WDFY3: variants seen among roughly 807,000 people sequenced by gnomAD.
WDFY3 encodes the protein WD repeat and FYVE domain-containing protein 3.
A neutral mutation model predicts 409.6 loss-of-function variants in WDFY3; 66 were observed. That is an observed-to-expected ratio of 0.16 (90% CI 0.13 to 0.20). The LOEUF (loss-of-function observed/expected upper bound fraction) is 0.20. Ranked by LOEUF, WDFY3 falls within the 10% of genes least tolerant of loss-of-function variation. The pLI, the probability that WDFY3 is intolerant of heterozygous loss-of-function variation, is 1.00. For synonymous variants in WDFY3, 1,521 were observed against 1,537.1 expected (o/e 0.99, Z 0.25); for missense variants, 3,031 against 4,298.1 (o/e 0.71, Z 8.24).
chr4:84,875,608 C>T (rs1762677087), intron 3 of WDFY3, among the ~76,000 whole-genome samples: 1 of 152,172 alleles, frequency 6.6e-6, no homozygotes, highest in Non-Finnish European at 1.5e-5. Flanking sequence ...CTTTTGGACT[C>T]TTAGAATAAC....
At chr4:84,809,748 T>A (rs1323351877) in intron 14 of WDFY3, 139 bp downstream of exon 14, 11 of 725,684 alleles carry the variant, frequency 1.5e-5, no homozygotes, top group South Asian at 7.6e-5. Flanking sequence ...TATTCAAAAA[T>A]AAAGTGATAC....
chr4:84,709,241 T>C lies in WDFY3; in HGVS notation c.8097+52A>G, dbSNP rs1732495469. The C allele has an allele frequency of 7.8e-6, 12 of 1,534,372 alleles. No homozygotes were observed. In the South Asian group the frequency reaches 1.4e-4, roughly 18 times the overall value. On this transcript the variant is annotated intron_variant, in intron 52 of 67. Transcript: ENST00000295888. ...ATTAAAGTGCTTTTAACTGTATGAC[T>C]TCTACTCTAATTACGAACTTCTAAG... is the stretch of plus-strand genomic sequence containing the variant.
At chr4:84,882,343 GGTCA>G (rs368816090) in intron 3 of WDFY3, among the ~76,000 whole-genome samples, 75 of 152,246 alleles carry the variant, frequency 4.9e-4, no homozygotes, top group African/African-American at 1.5e-3. Flanking sequence ...TCTGGCGTGA[GGTCA>G]GTAATCTGTT....
chr4:84,864,670 C>T (rs558496055), intron 3 of WDFY3, among the ~76,000 whole-genome samples: 8 of 152,260 alleles, frequency 5.3e-5, no homozygotes, highest in African/African-American at 1.7e-4. Flanking sequence ...AAGATAACAA[C>T]TCATTCAAAG....
At chr4:84,706,747 T>A (rs1280437128) in intron 53 of WDFY3, among the ~76,000 whole-genome samples, 7 of 151,468 alleles carry the variant, frequency 4.6e-5, no homozygotes, top group Admixed American at 1.3e-4. Flanking sequence ...ACCAGGCAGG[T>A]CAGGCTGTAT....
chr4:84,962,891 C>T (rs1350048552), intron 1 of WDFY3, among the ~76,000 whole-genome samples: 1 of 151,724 alleles, frequency 6.6e-6, no homozygotes, highest in Admixed American at 6.6e-5. Context: ...CCAGGCTGGT[C>T]TTGAACTCCT....
At chr4:84,887,300 A>C (rs530533958) in intron 3 of WDFY3, among the ~76,000 whole-genome samples, 1 of 152,274 alleles carries the variant, frequency 6.6e-6, no homozygotes, top group East Asian at 1.9e-4. Context: ...TAGGAAAGAG[A>C]AGCACATTTT....
At chr4:84,675,888 G>A (rs556223490) in intron 67 of WDFY3, among the ~76,000 whole-genome samples, 109 of 152,116 alleles carry the variant, frequency 7.2e-4, no homozygotes, top group African/African-American at 2.4e-3. Context: ...CCTTTCATAT[G>A]GGGGAAAAAT....
At chr4:84,828,920 C>CTA (rs1169486578) in intron 9 of WDFY3, 84 bp downstream of exon 9, 1 of 1,371,144 alleles carries the variant, frequency 7.3e-7, no homozygotes, top group Non-Finnish European at 9.7e-7. Context: ...TTTGCTTTTC[C>CTA]TATAACCCCA....
chr4:84,783,180 CCCTT>C, intron 24 of WDFY3, 106 bp from the exon 25 acceptor site: 4 of 1,024,468 alleles, frequency 3.9e-6, no homozygotes, highest in Non-Finnish European at 5.8e-6. Context: ...TTTCTCTCCT[CCCTT>C]ATCAGAATAC....
intron 3 of WDFY3, among the ~76,000 whole-genome samples, chr4:84,873,415 G>A (rs1041141653): frequency 2.0e-5 from 3 of 152,168 alleles, no homozygotes; most frequent in Non-Finnish European, 4.4e-5. Flanking sequence ...GACTGGTCAA[G>A]AGAAACTGAA....
chr4:84,824,264 AC>A (rs1280851419), intron 10 of WDFY3, among the ~76,000 whole-genome samples: 53 of 152,292 alleles, frequency 3.5e-4, no homozygotes, highest in African/African-American at 1.3e-3. Context: ...AAGAGAGAGC[AC>A]ACATTTACAT....
intron 33 of WDFY3, among the ~76,000 whole-genome samples, chr4:84,756,706 T>C (rs895023930): frequency 2.6e-5 from 4 of 152,062 alleles, no homozygotes; most frequent in Admixed American, 6.6e-5. Flanking sequence ...TATGCATCTA[T>C]AATATACAGA....
chr4:84,898,221 A>G (rs972155882), intron 2 of WDFY3, among the ~76,000 whole-genome samples: 2 of 152,196 alleles, frequency 1.3e-5, no homozygotes, highest in African/African-American at 4.8e-5. Flanking sequence ...AAACATTTTA[A>G]TTGTCACAGA....
intron 2 of WDFY3, among the ~76,000 whole-genome samples, chr4:84,921,697 G>T (rs1231985291): frequency 9.0e-6 from 1 of 111,632 alleles, no homozygotes; most frequent in Admixed American, 1.4e-4. Flanking sequence ...TCACTCTGTC[G>T]CCCAGGCTGG....
At chr4:84,675,728 C>T (rs1726162154) in intron 67 of WDFY3, among the ~76,000 whole-genome samples, 3 of 152,104 alleles carry the variant, frequency 2.0e-5, no homozygotes, top group African/African-American at 4.8e-5. Context: ...ATGAAAGCAT[C>T]TCTGGAGTAA....
intron 62 of WDFY3, among the ~76,000 whole-genome samples, chr4:84,685,328 G>A (rs759702280): frequency 1.3e-5 from 2 of 152,156 alleles, no homozygotes; most frequent in South Asian, 2.1e-4. Flanking sequence ...GTGCTGCACC[G>A]TCTGTGCTGG....
intron 54 of WDFY3, 72 bp downstream of exon 54, chr4:84,705,322 T>C: frequency 8.6e-7 from 1 of 1,169,276 alleles, no homozygotes; most frequent in South Asian, 1.3e-5. Flanking sequence ...GATGTAGGAA[T>C]GTCAGACCGC....
In WDFY3 at chr4:84,879,814, A is replaced by G. The variant is rs149305256; in HGVS notation, c.-32+17097T>C. Among the ~76,000 whole-genome samples the G allele has an allele frequency of 4.8e-3, 733 of 152,320 alleles. 4 individuals are homozygous for G. The highest frequency in any genetic ancestry group is 0.017 in the African/African-American group (687 of 41,574). On this transcript the variant is annotated intron_variant, in intron 3 of 67. Coordinates refer to ENST00000295888, the MANE Select transcript of WDFY3 (RefSeq NM_014991.6). ...AGGCAAACAACCCAATAGAAAAATG[A>G]ACAAAAGACAAATAGGCATTTCACA...
Sources: allele counts gnomAD v4.1 joint callset (sites outside exome capture counted in the v4.1 genomes callset), GRCh38; gene constraint gnomAD v4.1.1; transcripts MANE v1.5; gene names NCBI Gene and HGNC (gene_info 2026-07-23, HGNC 2026-07-21).